The following DLG2 variants were observed in gnomAD, a reference collection of about 807,000 sequenced individuals.
DLG2 encodes discs large MAGUK scaffold protein 2.
Under a neutral mutation model 132.5 loss-of-function variants are expected in DLG2, and 45 were observed. The observed-to-expected ratio is 0.34, with a 90% CI of 0.27 to 0.44. The LOEUF is 0.44. Ranked by LOEUF, DLG2 falls within the 20% of genes least tolerant of loss-of-function variation. DLG2 has a pLI of 1.00. For synonymous variants in DLG2, 424 were observed against 419.6 expected (o/e 1.01, Z -0.13); for missense variants, 1,045 against 1,196.9 (o/e 0.87, Z 1.87).
At chr11:84,153,967 T>C (rs1443741538) in intron 9 of DLG2, among the ~76,000 whole-genome samples, 3 of 152,180 alleles carry the variant, frequency 2.0e-5, no homozygotes, top group Non-Finnish European at 4.4e-5. Flanking sequence ...TCCTTTATCT[T>C]ACATTGCTAT....
intron 3 of DLG2, among the ~76,000 whole-genome samples, chr11:85,289,950 A>C (rs1217530162): frequency 6.6e-6 from 1 of 152,160 alleles, no homozygotes; most frequent in Non-Finnish European, 1.5e-5. Flanking sequence ...TGTTTTCAAC[A>C]TTTCAATTCA....
At chr11:83,673,230 G>A (rs930407351) in intron 18 of DLG2, among the ~76,000 whole-genome samples, 1 of 152,172 alleles carries the variant, frequency 6.6e-6, no homozygotes, top group Non-Finnish European at 1.5e-5. Context: ...TAACTGGAGA[G>A]TTTTTTAAAA....
chr11:84,323,030 T>A (rs1444217625), intron 7 of DLG2, among the ~76,000 whole-genome samples: 1 of 151,582 alleles, frequency 6.6e-6, no homozygotes, highest in Non-Finnish European at 1.5e-5. Context: ...TTTCTTTAGT[T>A]TTTTTTTTAA....
intron 3 of DLG2, among the ~76,000 whole-genome samples, chr11:85,547,017 T>A (rs1360705759): frequency 6.6e-6 from 1 of 152,136 alleles, no homozygotes; most frequent in Admixed American, 6.5e-5. Flanking sequence ...AAGGTTAATA[T>A]TGTTATGTGT....
chr11:84,413,660 C>A (rs1315824150), intron 7 of DLG2, among the ~76,000 whole-genome samples: 2 of 152,270 alleles, frequency 1.3e-5, no homozygotes, highest in African/African-American at 4.8e-5. Flanking sequence ...AAAATCCCTG[C>A]AGGGTTCAGT....
At position 85,487,095 on chromosome 11, in the gene DLG2, C is replaced by T. The variant is rs527400826; in HGVS notation, c.40+111562G>A. 2.7e-5 allele frequency among the ~76,000 whole-genome samples: 4 copies of T among 147,382 alleles called. No individual in the cohort carries two copies. In the South Asian group the frequency reaches 8.6e-4, roughly 32 times the overall value. On this transcript the variant is annotated intron_variant, in intron 3 of 27. Coordinates refer to ENST00000376104, the MANE Select transcript of DLG2 (RefSeq NM_001142699.3). ...CTTGCTGCAGGCCCCAAAATCAAAG[C>T]CAAAAACTTCCTATTCAGCCAACAA...
chr11:85,471,941 C>A (rs963804418), intron 3 of DLG2, among the ~76,000 whole-genome samples: 2 of 152,004 alleles, frequency 1.3e-5, no homozygotes, highest in African/African-American at 4.8e-5. Context: ...CCACAAGGAA[C>A]CATAATGTGA....
intron 22 of DLG2, among the ~76,000 whole-genome samples, chr11:83,476,997 G>A (rs1404571172): frequency 6.6e-6 from 1 of 152,094 alleles, no homozygotes. Context: ...CAGTGGAGAA[G>A]TTTTGGGTCT....
chr11:84,581,912 C>CAAAAAAAAA (rs780759635), intron 6 of DLG2, among the ~76,000 whole-genome samples: 12 of 64,900 alleles, frequency 1.8e-4, no homozygotes, highest in East Asian at 1.1e-3. Flanking sequence ...TCTCAAAAAC[C>CAAAAAAAAA]AAAAAAAAAA....
At chr11:85,081,809 A>AT (rs1301581890) in intron 6 of DLG2, among the ~76,000 whole-genome samples, 1 of 152,134 alleles carries the variant, frequency 6.6e-6, no homozygotes, top group Non-Finnish European at 1.5e-5. Context: ...TGAAATCTTA[A>AT]TTTTTCCTCC....
chr11:84,963,872 C>T (rs2052948334), intron 6 of DLG2, among the ~76,000 whole-genome samples: 3 of 152,134 alleles, frequency 2.0e-5, no homozygotes, highest in Admixed American at 2.0e-4. Context: ...AAGTCCTTGA[C>T]TTTACACAGG....
chr11:83,885,503 A>T (rs2067583071), intron 15 of DLG2, among the ~76,000 whole-genome samples: 1 of 152,236 alleles, frequency 6.6e-6, no homozygotes, highest in Non-Finnish European at 1.5e-5. Context: ...AGGAGAATGG[A>T]ATCAAGCTGG....
At chr11:84,010,017 G>A (rs528185043) in intron 11 of DLG2, among the ~76,000 whole-genome samples, 1 of 152,094 alleles carries the variant, frequency 6.6e-6, no homozygotes, top group South Asian at 2.1e-4. Flanking sequence ...TGTGCACTGT[G>A]TTCTGGTATC....
intron 3 of DLG2, among the ~76,000 whole-genome samples, chr11:85,552,004 T>C (rs960594573): frequency 6.8e-6 from 1 of 146,298 alleles, no homozygotes. Context: ...ATCACAATTT[T>C]AATGGTAAGC....
At chr11:84,638,459 G>T (rs1425157735) in intron 6 of DLG2, among the ~76,000 whole-genome samples, 1 of 152,088 alleles carries the variant, frequency 6.6e-6, no homozygotes, top group East Asian at 1.9e-4. Flanking sequence ...CCCATTTTTG[G>T]AAGGGAAGAA....
intron 9 of DLG2, among the ~76,000 whole-genome samples, chr11:84,140,243 T>A (rs532999850): frequency 7.9e-5 from 12 of 152,182 alleles, no homozygotes; most frequent in Non-Finnish European, 1.6e-4. Context: ...CCTGAGCGTT[T>A]GTTTTCTTAT....
intron 11 of DLG2, among the ~76,000 whole-genome samples, chr11:84,055,140 G>A (rs1169829183): frequency 6.6e-6 from 1 of 151,902 alleles, no homozygotes; most frequent in African/African-American, 2.4e-5. Flanking sequence ...ACACATCAGA[G>A]GTTCCCTCTG....
intron 11 of DLG2, among the ~76,000 whole-genome samples, chr11:84,030,266 A>C (rs1013691024): frequency 2.0e-5 from 3 of 152,152 alleles, no homozygotes; most frequent in Non-Finnish European, 2.9e-5. Flanking sequence ...AATTGAGGAA[A>C]ATCCTCAATC....
chr11:85,418,986 G>A (rs2090084002), intron 3 of DLG2, among the ~76,000 whole-genome samples: 1 of 152,134 alleles, frequency 6.6e-6, no homozygotes, highest in African/African-American at 2.4e-5. Context: ...GATGCTAGCT[G>A]TCAGTAAGTT....
Sources: allele counts gnomAD v4.1 joint callset (sites outside exome capture counted in the v4.1 genomes callset), GRCh38; gene constraint gnomAD v4.1.1; transcripts MANE v1.5; gene names NCBI Gene and HGNC (gene_info 2026-07-23, HGNC 2026-07-21).